The following NCOA7 variants were observed in gnomAD, a reference collection of about 807,000 sequenced individuals.
NCOA7 encodes nuclear receptor coactivator 7.
Under a neutral mutation model 104.3 loss-of-function variants are expected in NCOA7, and 45 were observed. The ratio of observed to expected loss-of-function variants is 0.43; its 90% CI spans 0.34 to 0.55. The LOEUF (loss-of-function observed/expected upper bound fraction) is 0.55, where lower values mean the gene tolerates loss of function less well. NCOA7 is among the 20% of genes least tolerant of loss of function. The pLI is 0.02. For missense variants in NCOA7, 1,041 were observed against 1,119.7 expected, an observed-to-expected ratio of 0.93 and a Z score of 1.00; for synonymous variants, 398 against 402.3, an observed-to-expected ratio of 0.99 and a Z score of 0.13.
intron 3 of NCOA7, chr6:125,855,551 A>G (rs374745890): frequency 2.1e-4 from 38 of 178,376 alleles, no homozygotes; most frequent in South Asian, 1.4e-3. Flanking sequence ...AGACATATTC[A>G]TAAATATGCT....
intron 10 of NCOA7, chr6:125,900,126 T>G: frequency 2.1e-6 from 1 of 476,642 alleles, no homozygotes; most frequent in Non-Finnish European, 4.5e-6. Context: ...GAGCTCCTTC[T>G]CTACCAGTAG....
intron 2 of NCOA7, among the ~76,000 whole-genome samples, chr6:125,827,029 C>G (rs1386510069): frequency 6.6e-6 from 1 of 151,938 alleles, no homozygotes; most frequent in Non-Finnish European, 1.5e-5. Flanking sequence ...GAAGCCCTGT[C>G]TCTACTAAAA....
chr6:125,928,739 G>A lies in NCOA7; in HGVS notation c.2797G>A (p.Val933Ile), dbSNP rs778808197. The A allele has an allele frequency of 6.2e-7, 1 of 1,613,412 alleles. No individual in the cohort carries two copies. Among genetic ancestry groups the A allele is most frequent in the South Asian group, 1.1e-5 (1 of 91,026 alleles). Residue 933 changes from valine to isoleucine, a missense_variant, in exon 16 of 16, where the codon GTT (valine) becomes ATT (isoleucine). By Grantham distance (29) the Val-to-Ile change is conservative. This residue lies in a region of NCOA7 where 127 missense variants were observed against 177.0 expected (regional missense o/e 0.72). Coordinates refer to ENST00000392477, the MANE Select transcript of NCOA7 (RefSeq NM_181782.5). ...TCTTTCCAAAAAGGAAGACTTCATA[G>A]TTCAGGATCTGGAGGTGTGGGCATT... is the stretch of plus-strand genomic sequence containing the variant. Reference protein sequence around the residue: ...DILSKKEDFIVQDLEVWAFD With the variant: ...DILSKKEDFIIQDLEVWAFD
chr6:125,926,921 G>A (rs1562195220), intron 13 of NCOA7, among the ~76,000 whole-genome samples: 1 of 152,182 alleles, frequency 6.6e-6, no homozygotes, highest in Non-Finnish European at 1.5e-5. Flanking sequence ...GAGATGCTGA[G>A]GCAGTGGGCG....
At chr6:125,905,635 C>G (rs948106896) in intron 10 of NCOA7, among the ~76,000 whole-genome samples, 1 of 152,006 alleles carries the variant, frequency 6.6e-6, no homozygotes, top group Non-Finnish European at 1.5e-5. Context: ...AGGGCATATA[C>G]AGAAAGGTGA....
At chr6:125,927,793 G>A (rs1241714710) in intron 14 of NCOA7, 35 bp downstream of exon 14, 1 of 1,500,898 alleles carries the variant, frequency 6.7e-7, no homozygotes, top group Non-Finnish European at 9.3e-7. Context: ...ACTCCCATAT[G>A]TCACAGTGTC....
In NCOA7 at chr6:125,913,633, C is replaced by T. The variant is rs2034433560; in HGVS notation, c.2097-1700C>T. 4.1e-6 allele frequency: 4 copies of T among 982,830 alleles called. No individual in the cohort carries two copies. In the Admixed American group the frequency reaches 2.5e-4, roughly 60 times the overall value. 60.9% of individuals were successfully genotyped at this position (982,830 alleles called of 1,614,324 possible). A position where few individuals can be genotyped will look rare whatever the true frequency, so the allele number is the denominator to read the frequency against. ...ATACACACCTTGTTTTAGGTAACAA[C>T]AGTCCATGTTTTGAAGGAGAACTCT... is the stretch of plus-strand genomic sequence containing the variant. On this transcript the variant is annotated intron_variant, in intron 10 of 15. Coordinates refer to ENST00000392477, the MANE Select transcript of NCOA7 (RefSeq NM_181782.5).
chr6:125,826,124 G>A (rs964774557), intron 2 of NCOA7, among the ~76,000 whole-genome samples: 2 of 151,880 alleles, frequency 1.3e-5, no homozygotes, highest in Non-Finnish European at 2.9e-5. Context: ...TCAGGAGTTC[G>A]AGACCAGCTG....
intron 1 of NCOA7, among the ~76,000 whole-genome samples, chr6:125,809,949 C>T (rs1288056969): frequency 3.3e-5 from 5 of 152,176 alleles, no homozygotes; most frequent in Non-Finnish European, 7.3e-5. Flanking sequence ...GTGTGACCCA[C>T]AGCTGACAGG....
intron 1 of NCOA7, among the ~76,000 whole-genome samples, chr6:125,793,975 G>A (rs2128545283): frequency 6.6e-6 from 1 of 152,294 alleles, no homozygotes; most frequent in East Asian, 1.9e-4. Flanking sequence ...TTTACGGGGG[G>A]TTGGCTGAAC....
chr6:125,891,116 T>C (rs1397878533), intron 10 of NCOA7, among the ~76,000 whole-genome samples: 3 of 152,292 alleles, frequency 2.0e-5, no homozygotes, highest in South Asian at 2.1e-4. Flanking sequence ...TGCTCTTTCA[T>C]TGAGGATAAA....
intron 8 of NCOA7, among the ~76,000 whole-genome samples, chr6:125,885,941 A>T (rs1784223202): frequency 6.6e-6 from 1 of 152,202 alleles, no homozygotes; most frequent in African/African-American, 2.4e-5. Flanking sequence ...TTTATTGTAA[A>T]AAAGAGAGGG....
intron 10 of NCOA7, among the ~76,000 whole-genome samples, chr6:125,896,013 AAT>A (rs558029765): frequency 3.4e-4 from 50 of 147,562 alleles, no homozygotes; most frequent in East Asian, 1.6e-3. Context: ...ATATATATAA[AAT>A]ATATATATAT....
intron 10 of NCOA7, among the ~76,000 whole-genome samples, chr6:125,901,385 G>C (rs1785485932): frequency 6.6e-6 from 1 of 152,194 alleles, no homozygotes; most frequent in Non-Finnish European, 1.5e-5. Context: ...GTTATTTTGA[G>C]TACGTTTGTT....
chr6:125,821,367 C>T (rs763247009), intron 2 of NCOA7, among the ~76,000 whole-genome samples: 2 of 152,070 alleles, frequency 1.3e-5, no homozygotes, highest in Non-Finnish European at 2.9e-5. Flanking sequence ...AGGATTTGAA[C>T]TCAGGTCTTC....
Position 125,915,427 on chromosome 6 carries a change from G to T in NCOA7, c.2191G>T (p.Glu731Ter). 6.2e-7 allele frequency: 1 copy of T among 1,613,904 alleles called. No homozygotes were observed. The highest frequency in any genetic ancestry group is 8.5e-7 in the Non-Finnish European group (1 of 1,179,832). ...EQGFVVVEKE[E>*]LNMIDNFFSE... is the part of the protein sequence containing the mutation. ...AGGCTTTGTGGTGGTGGAGAAGGAA[G>T]AACTGAACATGATTGACAACTTCTT... The change falls in exon 11 of 16, where the codon GAA (glutamate) becomes TAA (stop). Residue 731 changes from glutamate (E) to a stop codon, truncating the protein, a stop_gained. Transcript: ENST00000392477. LOFTEE classifies it high-confidence loss of function.
rs1284587098 is a variant in NCOA7 at position 125,809,288 on chromosome 6, A to G, written c.-64-6003A>G. Among the ~76,000 whole-genome samples, 9 of 151,872 alleles carry G rather than the reference A, an allele frequency of 5.9e-5. 1 individual carries two copies. The highest frequency in any genetic ancestry group is 5.2e-4 in the Admixed American group (8 of 15,268). ...ACTGCAACCTCCGCCTCTCAGGTTG[A>G]TCTCGTGCCTCAGCTACCTGCGTAG... is the stretch of plus-strand genomic sequence containing the variant. On this transcript the variant is annotated intron_variant, in intron 1 of 15. Transcript: ENST00000392477.
At chr6:125,798,497 G>A (rs1331749453) in intron 1 of NCOA7, among the ~76,000 whole-genome samples, 3 of 152,130 alleles carry the variant, frequency 2.0e-5, no homozygotes, top group Non-Finnish European at 2.9e-5. Context: ...GGGTGTTACT[G>A]TAAAAATTTG....
intron 1 of NCOA7, among the ~76,000 whole-genome samples, chr6:125,782,278 A>T (rs1441114389): frequency 1.3e-5 from 2 of 152,176 alleles, no homozygotes; most frequent in Admixed American, 1.3e-4. Context: ...TTCATCAATT[A>T]TTAATATTTT....
Sources: allele counts gnomAD v4.1 joint callset (sites outside exome capture counted in the v4.1 genomes callset), GRCh38; gene constraint gnomAD v4.1.1; regional missense constraint gnomAD v4.1.1; transcripts MANE v1.5; gene names NCBI Gene and HGNC (gene_info 2026-07-23, HGNC 2026-07-21).